Variants in ANO1 observed in about 807,000 individuals in gnomAD.
ANO1 encodes anoctamin-1.
A neutral mutation model predicts 124.0 loss-of-function variants in ANO1; 59 were observed. The observed-to-expected ratio is 0.48, with a 90% CI of 0.39 to 0.59. ANO1 has a LOEUF of 0.59. ANO1 is among the 20% of genes least tolerant of loss of function. The pLI is 0.00. For missense variants in ANO1, 1,059 were observed against 1,328.0 expected (o/e 0.80, Z 3.15); for synonymous variants, 529 against 532.0 (o/e 0.99, Z 0.08).
At chr11:70,007,375 C>T (rs1353747525) in intron 1 of ANO1, among the ~76,000 whole-genome samples, 1 of 150,664 alleles carries the variant, frequency 6.6e-6, no homozygotes, top group Non-Finnish European at 1.5e-5. Flanking sequence ...CTCCCGGGTT[C>T]ACGCCATTCT....
At chr11:70,060,776 C>G (rs1857554930) in intron 1 of ANO1, among the ~76,000 whole-genome samples, 1 of 152,116 alleles carries the variant, frequency 6.6e-6, no homozygotes, top group South Asian at 2.1e-4. Context: ...AGAAAGGCAA[C>G]AGGTCATGGG....
intron 2 of ANO1, among the ~76,000 whole-genome samples, chr11:70,096,438 C>CAT (rs2044964455): frequency 6.6e-6 from 1 of 152,226 alleles, no homozygotes; most frequent in Non-Finnish European, 1.5e-5. Flanking sequence ...CCTACCTGAG[C>CAT]TCTGCCTCCT....
rs1200577505 is a variant in ANO1, at chr11:70,149,956, A to C, written c.1341+164A>C. The C allele has an allele frequency of 9.5e-6, 7 of 736,990 alleles. No individual in the cohort carries two copies. The East Asian group carries it at 1.9e-4, about 20-fold the overall frequency. 45.7% of individuals were successfully genotyped at this position (736,990 alleles called of 1,614,324 possible). On this transcript the variant is annotated intron_variant, in intron 12 of 25. Transcript: ENST00000355303. ...CCACCCCCTGCCTGCCTCGCCACTC[A>C]ACACCCTGGCGTTCCGAACACCCTC...
At chr11:70,136,718 G>A (rs2046969209) in intron 11 of ANO1, among the ~76,000 whole-genome samples, 1 of 147,912 alleles carries the variant, frequency 6.8e-6, no homozygotes, top group Non-Finnish European at 1.5e-5. Context: ...ACCACACGAG[G>A]GTGTGGGCAG....
intron 1 of ANO1, among the ~76,000 whole-genome samples, chr11:70,034,343 G>C (rs2135038761): frequency 6.6e-6 from 1 of 152,194 alleles, no homozygotes; most frequent in Admixed American, 6.5e-5. Context: ...GAGGGGCTCA[G>C]GAAGCTTTCT....
At chr11:70,102,589 A>C (rs903895523) in intron 2 of ANO1, among the ~76,000 whole-genome samples, 2 of 152,186 alleles carry the variant, frequency 1.3e-5, no homozygotes, top group Non-Finnish European at 2.9e-5. Context: ...CCTGACCCAC[A>C]GGGGAAGATG....
intron 16 of ANO1, among the ~76,000 whole-genome samples, chr11:70,158,589 G>A (rs875108): frequency 0.76 from 115,956 of 152,290 alleles, 44,338 homozygotes; most frequent in East Asian, 0.85. Flanking sequence ...TGCCAGTCAG[G>A]CTGTCTGCTC....
At position 69,994,112 on chromosome 11, in the gene ANO1, C is replaced by CA. The variant is rs368637968; in HGVS notation, c.58+7947dup. 4.1e-3 allele frequency among the ~76,000 whole-genome samples: 619 copies of CA among 149,550 alleles called. 5 individuals are homozygous for CA. Among genetic ancestry groups the CA allele is most frequent in the African/African-American group, 0.014 (587 of 40,722 alleles). On this transcript the variant is annotated intron_variant, in intron 1 of 27. Transcript: ENST00000531349. ...CCCCAATTTGTCGTTAACCCCCCCC[C>CA]ACAGTCACAGCTGGAAGGGACCTAA...
chr11:70,002,831 T>C (rs1191532960), intron 1 of ANO1, among the ~76,000 whole-genome samples: 2 of 152,186 alleles, frequency 1.3e-5, no homozygotes, highest in Non-Finnish European at 2.9e-5. Context: ...TGTCTGATTC[T>C]ATACCCCTAA....
At chr11:70,144,262 G>A (rs540269547) in intron 11 of ANO1, among the ~76,000 whole-genome samples, 31 of 152,322 alleles carry the variant, frequency 2.0e-4, no homozygotes, top group Admixed American at 1.2e-3. Context: ...GAGCTGGGCC[G>A]TAAGAGCAGT....
chr11:69,969,390 C>G, the ANO1 span, among the ~76,000 whole-genome samples: 1 of 152,204 alleles, frequency 6.6e-6, no homozygotes, highest in Non-Finnish European at 1.5e-5. Context: ...TCTCTCTGCA[C>G]TCAGCTCTCT....
At chr11:69,989,065 G>A (rs559539286) in intron 1 of ANO1, among the ~76,000 whole-genome samples, 15 of 152,272 alleles carry the variant, frequency 9.9e-5, no homozygotes, top group Admixed American at 7.8e-4. Context: ...AGGTGACTGC[G>A]TGCCAGTCAC....
chr11:70,085,658 AC>A (rs1187046874), intron 1 of ANO1: 3 of 1,500,502 alleles, frequency 2.0e-6, no homozygotes, highest in Non-Finnish European at 2.7e-6. Context: ...CTTGACATCA[AC>A]ACCTATGAAA....
At chr11:70,033,533 T>C (rs569657642) in intron 1 of ANO1, among the ~76,000 whole-genome samples, 1 of 152,242 alleles carries the variant, frequency 6.6e-6, no homozygotes, top group African/African-American at 2.4e-5. Flanking sequence ...GCCTGAGGCG[T>C]CTATGAGGAC....
At chr11:69,980,264 G>A in the ANO1 span, among the ~76,000 whole-genome samples, 1 of 152,124 alleles carries the variant, frequency 6.6e-6, no homozygotes, top group East Asian at 1.9e-4. Context: ...GCCAGCGCTG[G>A]GGTTAGGGAA....
intron 11 of ANO1, among the ~76,000 whole-genome samples, chr11:70,140,541 A>T (rs2047115115): frequency 6.6e-6 from 1 of 152,044 alleles, no homozygotes; most frequent in African/African-American, 2.4e-5. Context: ...CAAGGAAAAA[A>T]AAAAGAAGAA....
chr11:70,100,460 G>A (rs984497058), intron 2 of ANO1, among the ~76,000 whole-genome samples: 6 of 152,204 alleles, frequency 3.9e-5, no homozygotes, highest in African/African-American at 7.2e-5. Flanking sequence ...CAGCTGGAGC[G>A]ATGTGGCCAC....
chr11:70,167,305 G>A lies in ANO1; in HGVS notation c.2115G>A (p.Glu705=), dbSNP rs1323908781. The A allele has an allele frequency of 1.2e-6, 2 of 1,614,002 alleles. No homozygotes were observed. The highest frequency in any genetic ancestry group is 1.7e-6 in the Non-Finnish European group (2 of 1,179,878). The change falls in exon 21 of 26, where the codon GAG becomes GAA. Residue 705 remains glutamate, a synonymous_variant. Coordinates refer to ENST00000355303, the MANE Select transcript of ANO1 (RefSeq NM_018043.7). ...AGCAGAGCCCCCCTGACCACGAGGA[G>A]TGTGTGAAGAGGAAACAGCGGTACG... ...LKQQSPPDHE[E]CVKRKQRYEV... is the part of the protein sequence containing the mutation.
intron 1 of ANO1, among the ~76,000 whole-genome samples, chr11:70,008,765 G>A (rs1555000531): frequency 6.6e-6 from 1 of 152,042 alleles, no homozygotes; most frequent in Non-Finnish European, 1.5e-5. Flanking sequence ...GGCACATGAT[G>A]ACCATGGACA....
Sources: allele counts gnomAD v4.1 joint callset (sites outside exome capture counted in the v4.1 genomes callset), GRCh38; gene constraint gnomAD v4.1.1; transcripts MANE v1.5; gene names NCBI Gene and HGNC (gene_info 2026-07-23, HGNC 2026-07-21).